TSC1: variants seen among roughly 807,000 people sequenced by gnomAD.
TSC1 encodes the protein TSC complex subunit 1, also known as hamartin.
TSC1 carries 20 observed loss-of-function variants against 124.3 expected under a neutral mutation model. That is an observed-to-expected ratio of 0.16 (90% CI 0.11 to 0.23). The LOEUF (loss-of-function observed/expected upper bound fraction) is 0.23. Ranked by LOEUF, TSC1 falls within the 10% of genes least tolerant of loss-of-function variation. The pLI, the probability that TSC1 is intolerant of heterozygous loss-of-function variation, is 1.00. For synonymous variants in TSC1, 493 were observed against 539.1 expected, an observed-to-expected ratio of 0.91 and a Z score of 1.19; for missense variants, 1,124 against 1,448.5, an observed-to-expected ratio of 0.78 and a Z score of 3.64.
chr9:132,900,433 A>C (rs1237879997), intron 20 of TSC1: 2 of 438,100 alleles, frequency 4.6e-6, no homozygotes, highest in Non-Finnish European at 8.5e-6. Flanking sequence ...CCCTCTTTGA[A>C]AGGCAGCCTA....
At chr9:132,925,436 C>T in intron 5 of TSC1, 151 bp downstream of exon 5, 1 of 890,082 alleles carries the variant, frequency 1.1e-6, no homozygotes, top group South Asian at 1.5e-5. Context: ...TAAGTACCAA[C>T]TCTGGACAAC....
rs118203532 is a variant in TSC1, at chr9:132,906,118, G to C, written c.1460C>G (p.Ser487Cys). 2.3e-4 allele frequency: 366 copies of C among 1,613,372 alleles called. 2 individuals carry two copies. Among genetic ancestry groups the C allele is most frequent in the East Asian group, 1.6e-3 (74 of 44,884 alleles). The change falls in exon 15 of 23, where the codon TCT becomes TGT. Residue 487 changes from serine (S) to cysteine (C), a missense_variant. By Grantham distance (112) the Ser-to-Cys change is moderately radical. This residue lies in a region of TSC1 where 9 missense variants were observed against 34.2 expected (regional missense o/e 0.26). Transcript: ENST00000298552. This position sits in a 1 kb window ranked among gnomAD's most constrained non-coding sequence, Gnocchi z 4.1. ...KEEAAISREL[S>C]EITTAEAEPV... ...CTCTGCCTCTGCTGTGGTGATCTCA[G>C]AAAGTTCTCTAGATATTGCAGCTGA...
Position 132,921,722 on chromosome 9 carries a change from T to A in TSC1, c.663+97A>T. On this transcript the variant is annotated intron_variant, in intron 7 of 22. Coordinates refer to ENST00000298552, the MANE Select transcript of TSC1 (RefSeq NM_000368.5). This position sits in a 1 kb window ranked among gnomAD's most constrained non-coding sequence, Gnocchi z 4.3. ...GCGAGGAAGAAAACTGAATTTCTTT[T>A]CAAAATTTCCCTGTCTGCCGTTAAA... 1 of 1,523,394 alleles carries A rather than the reference T, an allele frequency of 6.6e-7. No homozygotes were observed. Among genetic ancestry groups the A allele is most frequent in the South Asian group, 1.1e-5 (1 of 88,432 alleles). The allele number at this position is 1,523,394 out of a possible 1,614,324, so 94.4% of individuals were successfully genotyped here.
At chr9:132,904,279 G>T in intron 16 of TSC1, 132 bp downstream of exon 16, 1 of 994,486 alleles carries the variant, frequency 1.0e-6, no homozygotes, top group Non-Finnish European at 1.5e-6. Flanking sequence ...CTTTAGCCAA[G>T]CAGATAGCCT....
At chr9:132,909,843 GAGA>G (rs748647927) in intron 12 of TSC1, 1 of 152,142 alleles carries the variant, frequency 6.6e-6, no homozygotes, top group Non-Finnish European at 1.5e-5. Context: ...TTTTAATGGA[GAGA>G]AGATGTCAGG....
intron 2 of TSC1, among the ~76,000 whole-genome samples, chr9:132,932,224 C>A (rs967823427): frequency 6.6e-6 from 1 of 152,190 alleles, no homozygotes; most frequent in African/African-American, 2.4e-5. Context: ...GAGGGCATGA[C>A]CTTCAAGGCC....
chr9:132,935,574 G>A (rs972759710), intron 1 of TSC1, among the ~76,000 whole-genome samples: 7 of 152,212 alleles, frequency 4.6e-5, no homozygotes, highest in African/African-American at 1.2e-4. Context: ...GGCACAGCAC[G>A]GGGCACACCG....
chr9:132,904,128 T>A (rs1168296099), intron 16 of TSC1, among the ~76,000 whole-genome samples: 1 of 152,100 alleles, frequency 6.6e-6, no homozygotes, highest in Non-Finnish European at 1.5e-5. Context: ...CGCTGTGTGT[T>A]CTCCCCCAGG....
intron 20 of TSC1, chr9:132,899,616 G>C (rs1845262916): frequency 6.6e-6 from 1 of 152,264 alleles, no homozygotes; most frequent in African/African-American, 2.4e-5. Context: ...AGTTGGCACT[G>C]TAGGCATGTG....
chr9:132,942,050 C>T (rs1437261795), intron 1 of TSC1: 2 of 152,156 alleles, frequency 1.3e-5, no homozygotes, highest in East Asian at 3.8e-4. Context: ...CCAGGAAAAG[C>T]TAATTTTAGT....
intron 1 of TSC1, chr9:132,942,382 A>G (rs1847786823): frequency 6.6e-6 from 1 of 152,222 alleles, no homozygotes; most frequent in Non-Finnish European, 1.5e-5. Context: ...CAAGGTTCTC[A>G]TGAGCACTAG....
At position 132,895,041 on chromosome 9, in the gene TSC1, C is replaced by T. The variant is rs565416605; in HGVS notation, c.*1194G>A. ...CAGCCAGCCTTTGCCAGCATTCTCC[C>T]GGACTCTGTTTAGACTGCTCTGCCA... On this transcript the variant is annotated 3_prime_UTR_variant, in exon 23 of 23. Transcript: ENST00000298552. The T allele has an allele frequency of 2.6e-5, 6 of 232,672 alleles. No homozygotes were observed. The highest frequency in any genetic ancestry group is 5.6e-5 in the Admixed American group (1 of 17,754). 14.4% of individuals were successfully genotyped at this position (232,672 alleles called of 1,614,324 possible). A position where few individuals can be genotyped will look rare whatever the true frequency, so the allele number is the denominator to read the frequency against.
At position 132,892,554 on chromosome 9, in the gene TSC1, AC is replaced by A. The variant is rs1431820303; in HGVS notation, c.*3680del. 1.3e-5 allele frequency: 3 copies of A among 233,266 alleles called. No individual in the cohort carries two copies. Among genetic ancestry groups the A allele is most frequent in the Middle Eastern group, 1.2e-3 (1 of 810 alleles). 14.4% of individuals were successfully genotyped at this position (233,266 alleles called of 1,614,324 possible). On this transcript the variant is annotated 3_prime_UTR_variant, in exon 23 of 23. Coordinates refer to ENST00000298552, the MANE Select transcript of TSC1 (RefSeq NM_000368.5). ...AGAGTATCCGCAGGAGGTGGGCGGC[AC>A]CCCATCTCACCAAGGTCCTGGCCGG...
rs1554813651 is a variant in TSC1 at position 132,897,613 on chromosome 9, G to GGA, written c.2626-4_2626-3insTC. 2.0e-5 allele frequency: 27 copies of GGA among 1,358,148 alleles called. No individual in the cohort carries two copies. The highest frequency in any genetic ancestry group is 1.9e-4 in the South Asian group (13 of 68,648). The allele number at this position is 1,358,148 out of a possible 1,614,324, so 84.1% of individuals were successfully genotyped here. A position where few individuals can be genotyped will look rare whatever the true frequency, so the allele number is the denominator to read the frequency against. On this transcript the variant is annotated splice_region_variant and splice_polypyrimidine_tract_variant and intron_variant, in intron 20 of 22. Coordinates refer to ENST00000298552, the MANE Select transcript of TSC1 (RefSeq NM_000368.5). ...GCGGCTTTCATCATTTCTACTTCCT[G>GGA]AAAAAAAAAAAAAAAAAAGACTGGA...
At chr9:132,935,835 T>C (rs1289451799) in intron 1 of TSC1, among the ~76,000 whole-genome samples, 1 of 152,238 alleles carries the variant, frequency 6.6e-6, no homozygotes, top group Non-Finnish European at 1.5e-5. Context: ...TCAGCTTAAA[T>C]GCTCACTTCC....
chr9:132,935,507 G>A (rs1847412187), intron 1 of TSC1, among the ~76,000 whole-genome samples: 1 of 152,192 alleles, frequency 6.6e-6, no homozygotes, highest in East Asian at 1.9e-4. Flanking sequence ...AATAATGATG[G>A]CATCAAGCTC....
Position 132,921,223 on chromosome 9 carries a change from C to T in TSC1, c.737+140G>A. On this transcript the variant is annotated intron_variant, in intron 8 of 22. Coordinates refer to ENST00000298552, the MANE Select transcript of TSC1 (RefSeq NM_000368.5). This position sits in a 1 kb window ranked among gnomAD's most constrained non-coding sequence, Gnocchi z 4.3. Reference sequence around the variant, plus strand: ...TGTTTTAAACTCACACAAATTTTAGCTGTATGAGTGCTTCCAAGTGGACTG... The same window carrying T: ...TGTTTTAAACTCACACAAATTTTAGTTGTATGAGTGCTTCCAAGTGGACTG... The T allele has an allele frequency of 2.4e-6, 2 of 844,926 alleles. No individual in the cohort carries two copies. The highest frequency in any genetic ancestry group is 2.6e-4 in the Middle Eastern group (1 of 3,874). The allele number at this position is 844,926 out of a possible 1,614,324, so 52.3% of individuals were successfully genotyped here. A position where few individuals can be genotyped will look rare whatever the true frequency, so the allele number is the denominator to read the frequency against.
At chr9:132,930,445 T>C (rs2132318241) in intron 2 of TSC1, among the ~76,000 whole-genome samples, 1 of 151,856 alleles carries the variant, frequency 6.6e-6, no homozygotes, top group South Asian at 2.1e-4. Context: ...AAAAATTAGC[T>C]GGTGTGGTGG....
rs1489972794 is a variant in TSC1, at chr9:132,893,396, A to G, written c.*2839T>C. The stretch of plus-strand genomic sequence containing the variant: ...TTCCAATCCCATAATAACAATTTTT[A>G]TAGACTGTATAGCAGAGCCTTGTCA... On this transcript the variant is annotated 3_prime_UTR_variant, in exon 23 of 23. Coordinates refer to ENST00000298552, the MANE Select transcript of TSC1 (RefSeq NM_000368.5). 4.3e-6 allele frequency: 1 copy of G among 233,100 alleles called. No homozygotes were observed. Among genetic ancestry groups the G allele is most frequent in the Non-Finnish European group, 8.5e-6 (1 of 118,044 alleles). 14.4% of individuals were successfully genotyped at this position (233,100 alleles called of 1,614,324 possible). A position where few individuals can be genotyped will look rare whatever the true frequency, so the allele number is the denominator to read the frequency against.
Sources: allele counts gnomAD v4.1 joint callset (sites outside exome capture counted in the v4.1 genomes callset), GRCh38; gene constraint gnomAD v4.1.1; regional missense constraint gnomAD v4.1.1; non-coding constraint Gnocchi (gnomAD v3.1); transcripts MANE v1.5; gene names NCBI Gene and HGNC (gene_info 2026-07-23, HGNC 2026-07-21).